PCDH15: variants seen among roughly 807,000 people sequenced by gnomAD.
PCDH15 encodes the protein protocadherin related 15, also known as protocadherin-15.
Under a neutral mutation model 178.5 loss-of-function variants are expected in PCDH15, and 129 were observed. The ratio of observed to expected loss-of-function variants is 0.72; its 90% CI spans 0.63 to 0.84. The LOEUF (loss-of-function observed/expected upper bound fraction) is 0.84. Ranked by LOEUF, PCDH15 falls within the 40% of genes least tolerant of loss-of-function variation. The probability of loss-of-function intolerance (pLI) is 0.00; values close to 1 mark genes in which losing one functional copy is unlikely to be tolerated. For missense variants in PCDH15, 2,230 were observed against 2,099.9 expected, an observed-to-expected ratio of 1.06 and a Z score of -1.21; for synonymous variants, 800 against 732.0, an observed-to-expected ratio of 1.09 and a Z score of -1.50.
chr10:55,449,123 A>G (rs1454652303), intron 2 of PCDH15, among the ~76,000 whole-genome samples: 1 of 152,028 alleles, frequency 6.6e-6, no homozygotes, highest in Non-Finnish European at 1.5e-5. Flanking sequence ...ATTGAGTAAA[A>G]ATAATTCTAA....
chr10:54,225,724 C>T (rs532933856), intron 9 of PCDH15, among the ~76,000 whole-genome samples: 1 of 151,758 alleles, frequency 6.6e-6, no homozygotes, highest in East Asian at 1.9e-4. Flanking sequence ...ATTCAATTTA[C>T]ATATAGTGAA....
chr10:54,471,651 G>T (rs1417945287), intron 3 of PCDH15, among the ~76,000 whole-genome samples: 4 of 150,470 alleles, frequency 2.7e-5, no homozygotes, highest in Admixed American at 1.3e-4. Context: ...TATATTTTTT[G>T]ATTTTTTTTT....
intron 3 of PCDH15, 53 bp downstream of exon 3, chr10:54,527,759 T>C (rs1450441341): frequency 2.8e-6 from 4 of 1,454,404 alleles, no homozygotes; most frequent in Non-Finnish European, 3.8e-6. Context: ...AGAATTAAAA[T>C]CTGAAGAAAA....
chr10:55,178,217 G>A (rs1054383500), intron 1 of PCDH15, among the ~76,000 whole-genome samples: 2 of 152,134 alleles, frequency 1.3e-5, no homozygotes, highest in Non-Finnish European at 2.9e-5. Context: ...CCAAAAATGG[G>A]TGGATGAAAC....
At chr10:54,878,098 G>T (rs1437709936) in intron 3 of PCDH15, among the ~76,000 whole-genome samples, 1 of 151,732 alleles carries the variant, frequency 6.6e-6, no homozygotes, top group Non-Finnish European at 1.5e-5. Context: ...TCGTAGCTGG[G>T]ATTACAGGCA....
intron 35 of PCDH15, among the ~76,000 whole-genome samples, chr10:53,813,249 G>A (rs938532820): frequency 6.6e-6 from 1 of 152,172 alleles, no homozygotes; most frequent in African/African-American, 2.4e-5. Flanking sequence ...TCTGTCATCT[G>A]CTATTGCTTT....
chr10:55,104,654 T>C lies in PCDH15; in HGVS notation c.-80+61922A>G, dbSNP rs546789065. Among the ~76,000 whole-genome samples, 4 of 152,320 alleles carry C rather than the reference T, an allele frequency of 2.6e-5. No individual in the cohort carries two copies. The East Asian group carries it at 7.7e-4, about 29-fold the overall frequency. The stretch of plus-strand genomic sequence containing the variant: ...AAATGGTCCTAAAATGCTGGATTCA[T>C]TTATCTTGAAATTGTGGGCAATTGA... On this transcript the variant is annotated intron_variant, in intron 2 of 5. Coordinates refer to the PCDH15 transcript ENST00000458638.
At chr10:54,727,559 C>T (rs2132601529) in intron 1 of PCDH15, among the ~76,000 whole-genome samples, 1 of 151,354 alleles carries the variant, frequency 6.6e-6, no homozygotes, top group East Asian at 2.0e-4. Flanking sequence ...GCAAACCAAT[C>T]CCATAGATAG....
At chr10:54,354,513 A>G (rs1012068827) in intron 5 of PCDH15, among the ~76,000 whole-genome samples, 1 of 152,106 alleles carries the variant, frequency 6.6e-6, no homozygotes, top group East Asian at 1.9e-4. Context: ...GAGGAACTAG[A>G]GATTAGTCTT....
intron 3 of PCDH15, among the ~76,000 whole-genome samples, chr10:54,525,610 C>A (rs894989645): frequency 6.6e-6 from 1 of 152,038 alleles, no homozygotes; most frequent in Non-Finnish European, 1.5e-5. Flanking sequence ...GAGTGTGTGC[C>A]ACCACACCTG....
At chr10:54,882,181 T>C (rs1183545705) in intron 3 of PCDH15, among the ~76,000 whole-genome samples, 1 of 152,124 alleles carries the variant, frequency 6.6e-6, no homozygotes, top group Non-Finnish European at 1.5e-5. Flanking sequence ...ATTAGTAATA[T>C]ATTTAAGAAA....
At chr10:55,361,415 TAA>T (rs1845227018) in intron 2 of PCDH15, among the ~76,000 whole-genome samples, 2 of 152,072 alleles carry the variant, frequency 1.3e-5, no homozygotes, top group Admixed American at 1.3e-4. Flanking sequence ...CTCTGTAGTC[TAA>T]CGAACTTGTA....
chr10:54,951,220 T>C (rs1838329503), intron 2 of PCDH15, among the ~76,000 whole-genome samples: 1 of 151,842 alleles, frequency 6.6e-6, no homozygotes, highest in Admixed American at 6.6e-5. Context: ...TTCCTATTCA[T>C]TCCTCCCTCA....
chr10:54,898,043 A>G (rs1346360189), intron 2 of PCDH15, among the ~76,000 whole-genome samples: 2 of 152,128 alleles, frequency 1.3e-5, no homozygotes, highest in Admixed American at 1.3e-4. Flanking sequence ...TATTTGAGTC[A>G]TGAGGGCAGA....
chr10:54,393,058 G>T (rs1330903417), intron 3 of PCDH15, among the ~76,000 whole-genome samples: 3 of 151,910 alleles, frequency 2.0e-5, no homozygotes, highest in Admixed American at 1.3e-4. Context: ...AAGATGTTTG[G>T]CTAATTTCCA....
At chr10:53,821,679 T>C in intron 32 of PCDH15, 3 of 1,383,008 alleles carry the variant, frequency 2.2e-6, no homozygotes, top group East Asian at 2.6e-5. Context: ...AAATCTATTA[T>C]ATGAGTGAGT....
rs373749512 is a variant in PCDH15, at chr10:54,034,234, A to C, written c.2221-11037T>G. Among the ~76,000 whole-genome samples the C allele has an allele frequency of 1.2e-4, 19 of 152,032 alleles. No individual in the cohort carries two copies. The East Asian group carries it at 3.7e-3, about 29-fold the overall frequency. On this transcript the variant is annotated intron_variant, in intron 18 of 37. Transcript: ENST00000644397. Reference sequence around the variant, plus strand: ...ATTTCCCAATACTATCAATCATTTCATTTGCTGAATATAAGCTCACGTTTT... The same window carrying C: ...ATTTCCCAATACTATCAATCATTTCCTTTGCTGAATATAAGCTCACGTTTT...
intron 1 of PCDH15, among the ~76,000 whole-genome samples, chr10:55,238,306 C>T (rs910120057): frequency 1.3e-5 from 2 of 152,026 alleles, no homozygotes; most frequent in South Asian, 2.1e-4. Context: ...CCCGCTACCA[C>T]GCCCGGCTAA....
intron 9 of PCDH15, among the ~76,000 whole-genome samples, chr10:54,216,012 C>CTGCACTAT (rs1298923060): frequency 8.3e-6 from 1 of 120,678 alleles, no homozygotes; most frequent in Non-Finnish European, 1.6e-5. Flanking sequence ...CACTGCACTA[C>CTGCACTAT]AGCCTGGGCT....
Sources: allele counts gnomAD v4.1 joint callset (sites outside exome capture counted in the v4.1 genomes callset), GRCh38; gene constraint gnomAD v4.1.1; transcripts MANE v1.5; gene names NCBI Gene and HGNC (gene_info 2026-07-23, HGNC 2026-07-21).